Variants in RIMS2 observed in about 807,000 individuals in gnomAD.
RIMS2 encodes regulating synaptic membrane exocytosis 2, also known as regulating synaptic membrane exocytosis protein 2.
RIMS2 carries 59 observed loss-of-function variants against 174.4 expected under a neutral mutation model. The observed-to-expected ratio is 0.34, with a 90% CI of 0.27 to 0.42. The LOEUF is 0.42. RIMS2 is among the 10% of genes least tolerant of loss of function. The probability of loss-of-function intolerance (pLI) is 1.00; values close to 1 mark genes in which losing one functional copy is unlikely to be tolerated. For missense variants in RIMS2, 1,620 were observed against 1,666.3 expected, an observed-to-expected ratio of 0.97 and a Z score of 0.48; for synonymous variants, 606 against 572.5, an observed-to-expected ratio of 1.06 and a Z score of -0.84.
In RIMS2 at chr8:103,845,088, CA is replaced by C. The variant is rs1272436267; in HGVS notation, c.699-40206del. Among the ~76,000 whole-genome samples the C allele has an allele frequency of 5.3e-5, 8 of 152,090 alleles. No homozygotes were observed. The East Asian group carries it at 1.5e-3, about 29-fold the overall frequency. On this transcript the variant is annotated intron_variant, in intron 3 of 23. Coordinates refer to ENST00000504942, the Ensembl canonical transcript of RIMS2. ...TTAACAAAATAAAATCTTATATTTT[CA>C]AAATTATACCATTTTATTGTTGCTT...
chr8:103,650,615 A>C (rs1219317479), intron 1 of RIMS2, among the ~76,000 whole-genome samples: 1 of 152,242 alleles, frequency 6.6e-6, no homozygotes, highest in Non-Finnish European at 1.5e-5. Context: ...GAGTGGGTGA[A>C]GCCCTCACAG....
At chr8:104,224,430 A>G (rs2099172466) in intron 19 of RIMS2, among the ~76,000 whole-genome samples, 1 of 152,226 alleles carries the variant, frequency 6.6e-6, no homozygotes, top group Non-Finnish European at 1.5e-5. Context: ...GTTTTGAATA[A>G]CATAACATGT....
At chr8:104,164,191 TCC>T (rs1366178632) in intron 19 of RIMS2, among the ~76,000 whole-genome samples, 1 of 6,778 alleles carries the variant, frequency 1.5e-4, no homozygotes, top group East Asian at 0.17. Context: ...GAATTATCTT[TCC>T]TGTGTGAAAG....
intron 1 of RIMS2, among the ~76,000 whole-genome samples, chr8:103,626,672 C>T (rs1249450599): frequency 1.3e-5 from 2 of 152,040 alleles, no homozygotes; most frequent in African/African-American, 2.4e-5. Context: ...TCTATTTTCC[C>T]TAAATGTCAG....
intron 3 of RIMS2, among the ~76,000 whole-genome samples, chr8:103,817,813 GCAT>G (rs2098727376): frequency 6.6e-6 from 1 of 151,876 alleles, no homozygotes; most frequent in Admixed American, 6.6e-5. Flanking sequence ...AATAAATAAA[GCAT>G]CAGTTTCTTT....
intron 1 of RIMS2, among the ~76,000 whole-genome samples, chr8:103,583,644 A>G (rs28837120): frequency 0.012 from 1,772 of 152,310 alleles, 33 homozygotes; most frequent in African/African-American, 0.039. Flanking sequence ...GAGTCCTTTT[A>G]TAGCAGAATT....
intron 19 of RIMS2, among the ~76,000 whole-genome samples, chr8:104,019,246 A>T (rs1252107454): frequency 1.3e-5 from 2 of 152,198 alleles, no homozygotes; most frequent in East Asian, 3.8e-4. Flanking sequence ...ATTTTTATAT[A>T]CTTCTTTTAT....
In RIMS2 at chr8:103,765,917, T is replaced by C. The variant is rs567211942; in HGVS notation, c.388-310T>C. ...CCCAACTGTCTAGTTTCAAAATCTATTTTCTGTGTATTACACAATGCCTCT... is the reference window on the plus strand; with the variant it reads ...CCCAACTGTCTAGTTTCAAAATCTACTTTCTGTGTATTACACAATGCCTCT... On this transcript the variant is annotated intron_variant, in intron 2 of 23. Transcript: ENST00000504942. Among the ~76,000 whole-genome samples the C allele has an allele frequency of 9.2e-5, 14 of 152,238 alleles. No homozygotes were observed. In the South Asian group the frequency reaches 2.9e-3, roughly 32 times the overall value.
chr8:103,501,499 G>C (rs1819857806), intron 1 of RIMS2: 1 of 153,270 alleles, frequency 6.5e-6, no homozygotes, highest in South Asian at 2.1e-4. Context: ...AGGCGCGCTG[G>C]CAGGGGATGC....
intron 2 of RIMS2, among the ~76,000 whole-genome samples, chr8:103,761,538 G>T (rs149418451): frequency 3.3e-5 from 5 of 152,280 alleles, no homozygotes; most frequent in East Asian, 3.9e-4. Context: ...TGGCTGAACA[G>T]CATGAAGATA....
intron 19 of RIMS2, among the ~76,000 whole-genome samples, chr8:104,060,741 A>C (rs1472768959): frequency 6.6e-6 from 1 of 152,056 alleles, no homozygotes; most frequent in African/African-American, 2.4e-5. Flanking sequence ...ACTGCTTTGA[A>C]TGTGTCCCAG....
intron 14 of RIMS2, among the ~76,000 whole-genome samples, chr8:103,947,004 T>C (rs899548005): frequency 1.9e-4 from 29 of 152,216 alleles, no homozygotes; most frequent in African/African-American, 7.0e-4. Context: ...AGTTTTTTGT[T>C]GTTGTTGTCT....
intron 1 of RIMS2, among the ~76,000 whole-genome samples, chr8:103,670,908 C>A (rs1032558233): frequency 6.6e-6 from 1 of 152,190 alleles, no homozygotes; most frequent in Non-Finnish European, 1.5e-5. Flanking sequence ...TTTTCAGGTA[C>A]CTTTACAGTA....
intron 4 of RIMS2, among the ~76,000 whole-genome samples, chr8:103,888,655 A>G (rs1276235277): frequency 2.6e-5 from 4 of 151,590 alleles, no homozygotes; most frequent in East Asian, 3.9e-4. Context: ...TTTATATGTG[A>G]TATCTTTATT....
At chr8:103,552,655 G>A (rs1326370317) in intron 1 of RIMS2, among the ~76,000 whole-genome samples, 1 of 152,116 alleles carries the variant, frequency 6.6e-6, no homozygotes, top group Non-Finnish European at 1.5e-5. Context: ...AGAGTGAACA[G>A]GCAACCTACA....
At chr8:104,131,435 A>G (rs924741618) in intron 19 of RIMS2, among the ~76,000 whole-genome samples, 10 of 152,148 alleles carry the variant, frequency 6.6e-5, no homozygotes, top group Admixed American at 2.6e-4. Context: ...CTGAGGAGAA[A>G]ATATATATGA....
intron 10 of RIMS2, 80 bp downstream of exon 13, chr8:103,921,864 C>T: frequency 1.6e-6 from 1 of 606,184 alleles, no homozygotes; most frequent in Non-Finnish European, 3.0e-6. Flanking sequence ...TTTTACAAAC[C>T]AAGTTATTCC....
At chr8:103,783,030 C>T (rs2098406350) in intron 3 of RIMS2, among the ~76,000 whole-genome samples, 2 of 152,138 alleles carry the variant, frequency 1.3e-5, no homozygotes, top group Non-Finnish European at 2.9e-5. Context: ...GGGTCTTCCC[C>T]TTAGGATCTC....
intron 3 of RIMS2, 56 bp from the exon 7 acceptor site, chr8:103,885,242 A>G: frequency 6.7e-7 from 1 of 1,486,796 alleles, no homozygotes. Context: ...AATCAATGAA[A>G]TGTAAAATTG....
Sources: allele counts gnomAD v4.1 joint callset (sites outside exome capture counted in the v4.1 genomes callset), GRCh38; gene constraint gnomAD v4.1.1; transcripts MANE v1.5; gene names NCBI Gene and HGNC (gene_info 2026-07-23, HGNC 2026-07-21).